The following SLC9A9 variants were observed in gnomAD, a reference collection of about 807,000 sequenced individuals.
SLC9A9 encodes sodium/hydrogen exchanger 9.
A neutral mutation model predicts 77.8 loss-of-function variants in SLC9A9; 62 were observed. The ratio of observed to expected loss-of-function variants is 0.80; its 90% CI spans 0.65 to 0.98. The LOEUF (loss-of-function observed/expected upper bound fraction) is 0.98. Ranked by LOEUF, SLC9A9 falls within the 50% of genes least tolerant of loss-of-function variation. The pLI is 0.00. For synonymous variants in SLC9A9, 320 were observed against 283.5 expected (o/e 1.13, Z -1.29); for missense variants, 775 against 774.9 (o/e 1.00, Z 0.00).
In SLC9A9 at chr3:143,641,688, C is replaced by T. The variant is rs577421506; in HGVS notation, c.755+10567G>A. Among the ~76,000 whole-genome samples the T allele has an allele frequency of 9.9e-5, 15 of 152,272 alleles. 1 individual carries two copies. The South Asian group carries it at 1.0e-3, about 11-fold the overall frequency. ...GATTACAGGCGTGAGCCACTGTGCCCGGCCTGTTGTCGCAGTCTTTTGCAT... is the reference window on the plus strand; with the variant it reads ...GATTACAGGCGTGAGCCACTGTGCCTGGCCTGTTGTCGCAGTCTTTTGCAT... On this transcript the variant is annotated intron_variant, in intron 6 of 15. Coordinates refer to ENST00000316549, the MANE Select transcript of SLC9A9 (RefSeq NM_173653.4).
At chr3:143,283,666 G>T (rs1309743400) in intron 14 of SLC9A9, among the ~76,000 whole-genome samples, 1 of 152,190 alleles carries the variant, frequency 6.6e-6, no homozygotes, top group Non-Finnish European at 1.5e-5. Flanking sequence ...TGGATAAGAT[G>T]GTTTCAGGCC....
At chr3:143,553,194 T>C (rs2036922201) in intron 8 of SLC9A9, among the ~76,000 whole-genome samples, 1 of 152,184 alleles carries the variant, frequency 6.6e-6, no homozygotes, top group African/African-American at 2.4e-5. Context: ...AAATGTGACA[T>C]GAAGTCACAC....
Position 143,835,023 on chromosome 3 carries a change from C to T in SLC9A9, c.176-2802G>A, listed in dbSNP as rs114117993. On this transcript the variant is annotated intron_variant, in intron 1 of 15. Transcript: ENST00000316549. ...GGATACTAAGGCAAGCAGATGGGGACTCCTCTGAAGGGCAACCATGGCTCA... is the reference window on the plus strand; with the variant it reads ...GGATACTAAGGCAAGCAGATGGGGATTCCTCTGAAGGGCAACCATGGCTCA... Among the ~76,000 whole-genome samples, 667 of 152,230 alleles carry T rather than the reference C, an allele frequency of 4.4e-3. 6 individuals carry two copies. Among genetic ancestry groups the T allele is most frequent in the African/African-American group, 0.016 (647 of 41,536 alleles).
intron 12 of SLC9A9, among the ~76,000 whole-genome samples, chr3:143,403,334 T>C (rs2033904238): frequency 6.6e-6 from 1 of 152,210 alleles, no homozygotes; most frequent in South Asian, 2.1e-4. Flanking sequence ...ATACATATCT[T>C]TATATCCTAT....
rs138720145 is a variant in SLC9A9 at position 143,550,266 on chromosome 3, A to G, written c.1089+2096T>C. ...TTGCTTTCTCTACTCCCACTGCCCT[A>G]ATATCACATCAGATGTCCTCAGCAT... On this transcript the variant is annotated intron_variant, in intron 9 of 15. Transcript: ENST00000316549. 2.1e-3 allele frequency among the ~76,000 whole-genome samples: 326 copies of G among 152,322 alleles called. 2 individuals are homozygous for G. Among genetic ancestry groups the G allele is most frequent in the African/African-American group, 7.3e-3 (302 of 41,564 alleles).
chr3:143,623,040 G>C (rs559421836), intron 6 of SLC9A9, among the ~76,000 whole-genome samples: 1 of 152,166 alleles, frequency 6.6e-6, no homozygotes, highest in South Asian at 2.1e-4. Flanking sequence ...ATGGTAAAGA[G>C]ATCAATTCAA....
chr3:143,416,166 G>A (rs1467371334), intron 12 of SLC9A9, among the ~76,000 whole-genome samples: 2 of 152,138 alleles, frequency 1.3e-5, no homozygotes, highest in Admixed American at 6.5e-5. Flanking sequence ...TTTTGGATGA[G>A]AAAAAATGTT....
chr3:143,383,275 C>T (rs1234819624), intron 12 of SLC9A9, among the ~76,000 whole-genome samples: 1 of 152,224 alleles, frequency 6.6e-6, no homozygotes, highest in African/African-American at 2.4e-5. Flanking sequence ...TTAATTCAGC[C>T]TTGTGCATTA....
chr3:143,288,075 T>A (rs139439348), intron 14 of SLC9A9, among the ~76,000 whole-genome samples: 3,152 of 152,234 alleles, frequency 0.021, 40 homozygotes, highest in South Asian at 0.046. Context: ...CTGACAATAC[T>A]ACAATAGGAA....
At chr3:143,341,644 C>T (rs553194002) in intron 14 of SLC9A9, among the ~76,000 whole-genome samples, 11 of 152,228 alleles carry the variant, frequency 7.2e-5, no homozygotes, top group South Asian at 2.1e-4. Flanking sequence ...GAGGATTTCC[C>T]GAACCCTGTT....
intron 2 of SLC9A9, among the ~76,000 whole-genome samples, chr3:143,830,476 G>C (rs531407540): frequency 6.6e-5 from 10 of 152,266 alleles, no homozygotes; most frequent in Non-Finnish European, 1.3e-4. Context: ...GCTGATGAAG[G>C]AATAAATATG....
At chr3:143,274,193 A>C (rs1937979144) in intron 14 of SLC9A9, among the ~76,000 whole-genome samples, 1 of 152,220 alleles carries the variant, frequency 6.6e-6, no homozygotes, top group African/African-American at 2.4e-5. Flanking sequence ...TGGTCTTGTT[A>C]TAAGGGTAAA....
chr3:143,820,907 AT>A (rs36029573), intron 2 of SLC9A9, among the ~76,000 whole-genome samples: 2,373 of 142,042 alleles, frequency 0.017, 50 homozygotes, highest in African/African-American at 0.053. Flanking sequence ...TCTTTGTCTT[AT>A]TTTTTTTTTT....
At chr3:143,431,789 C>G (rs1312735975) in intron 12 of SLC9A9, among the ~76,000 whole-genome samples, 2 of 152,108 alleles carry the variant, frequency 1.3e-5, no homozygotes, top group Non-Finnish European at 2.9e-5. Context: ...CTTCCCACCC[C>G]TCTTACTTCT....
chr3:143,802,021 C>T (rs2008576008), intron 2 of SLC9A9, among the ~76,000 whole-genome samples: 1 of 152,184 alleles, frequency 6.6e-6, no homozygotes, highest in Non-Finnish European at 1.5e-5. Flanking sequence ...GATCCCATTG[C>T]CCTCGGCAAC....
At chr3:143,648,067 A>ATTATAT (rs2038733221) in intron 6 of SLC9A9, among the ~76,000 whole-genome samples, 1 of 152,198 alleles carries the variant, frequency 6.6e-6, no homozygotes, top group Admixed American at 6.5e-5. Flanking sequence ...AAGGGTAGAA[A>ATTATAT]TTATATTTAT....
chr3:143,665,501 T>C (rs568034415), intron 5 of SLC9A9, among the ~76,000 whole-genome samples: 9 of 151,860 alleles, frequency 5.9e-5, no homozygotes, highest in African/African-American at 9.7e-5. Flanking sequence ...CTGAAGGAGA[T>C]AGAGACACAA....
At chr3:143,692,884 C>T (rs1049296210) in intron 5 of SLC9A9, among the ~76,000 whole-genome samples, 1 of 152,164 alleles carries the variant, frequency 6.6e-6, no homozygotes, top group East Asian at 1.9e-4. Context: ...TGTTGGCCAG[C>T]ATTCAAAGCC....
chr3:143,691,292 C>A (rs549772619), intron 5 of SLC9A9, among the ~76,000 whole-genome samples: 1 of 151,966 alleles, frequency 6.6e-6, no homozygotes, highest in South Asian at 2.1e-4. Context: ...CTGGTCTTGA[C>A]CTCCCTGGCT....
Sources: gnomAD v4.1 joint callset for allele counts (sites outside exome capture counted in the v4.1 genomes callset) on GRCh38, gnomAD v4.1.1 for gene constraint, MANE v1.5 for transcripts, NCBI Gene and HGNC (gene_info 2026-07-23, HGNC 2026-07-21) for gene names.